KCNK12: variants seen among roughly 807,000 people sequenced by gnomAD.
The protein encoded by KCNK12 is potassium channel subfamily K member 12.
Under a neutral mutation model 25.3 loss-of-function variants are expected in KCNK12, and 6 were observed. The observed-to-expected ratio is 0.24, with a 90% CI of 0.13 to 0.47. The LOEUF is 0.47. Among genes scored for constraint, KCNK12 ranks in the 20% least tolerant of loss-of-function variants. KCNK12 has a pLI of 0.99. For synonymous variants in KCNK12, 331 were observed against 311.1 expected (o/e 1.06, Z -0.67); for missense variants, 444 against 661.7 (o/e 0.67, Z 3.61).
chr2:47,554,909 T>C (rs1365264479), intron 1 of KCNK12, among the ~76,000 whole-genome samples: 2 of 151,568 alleles, frequency 1.3e-5, no homozygotes, highest in African/African-American at 2.4e-5. Flanking sequence ...CTGACAAGAG[T>C]TGATGATGAA....
chr2:47,520,784 AT>A lies in KCNK12; in HGVS notation c.*122del. 2.9e-5 allele frequency: 21 copies of A among 726,200 alleles called. No individual in the cohort carries two copies. The highest frequency in any genetic ancestry group is 3.4e-5 in the Non-Finnish European group (18 of 526,562). 45.0% of individuals were successfully genotyped at this position (726,200 alleles called of 1,614,324 possible). A position where few individuals can be genotyped will look rare whatever the true frequency, so the allele number is the denominator to read the frequency against. On this transcript the variant is annotated 3_prime_UTR_variant, in exon 2 of 2. Coordinates refer to ENST00000327876, the MANE Select transcript of KCNK12 (RefSeq NM_022055.2). The surrounding 1 kb of genome is among the most constrained non-coding windows in gnomAD (Gnocchi z 5.0). ...GGCCAAATAGTATTTCTTTAAAAAA[AT>A]TTTTTTTGTTTCATTTTATTGGATA... is the stretch of plus-strand genomic sequence containing the variant.
rs1668623003 is a variant in KCNK12 at position 47,520,318 on chromosome 2, A to G, written c.*589T>C. 1 of 152,418 alleles carries G rather than the reference A, an allele frequency of 6.6e-6. No individual in the cohort carries two copies. The highest frequency in any genetic ancestry group is 6.5e-5 in the Admixed American group (1 of 15,290). 9.4% of individuals were successfully genotyped at this position (152,418 alleles called of 1,614,324 possible). ...TTTCCAAATCTGGGGGAAATGCCAC[A>G]GTCCGCAAGTTGGTGCTATGTTTCA... On this transcript the variant is annotated 3_prime_UTR_variant, in exon 2 of 2. Transcript: ENST00000327876. The surrounding 1 kb of genome is among the most constrained non-coding windows in gnomAD (Gnocchi z 5.0).
In KCNK12 at chr2:47,525,091, C is replaced by T. The variant is rs1481602615; in HGVS notation, c.392-3283G>A. ...TCAGCTAAAGCCTCAAAGCTGAGAACAGTATGTGTACATTTCTCCCCATTC... is the reference window on the plus strand; with the variant it reads ...TCAGCTAAAGCCTCAAAGCTGAGAATAGTATGTGTACATTTCTCCCCATTC... On this transcript the variant is annotated intron_variant, in intron 1 of 1. Coordinates refer to ENST00000327876, the MANE Select transcript of KCNK12 (RefSeq NM_022055.2). The surrounding 1 kb of genome is among the most constrained non-coding windows in gnomAD (Gnocchi z 4.1). 6.6e-6 allele frequency among the ~76,000 whole-genome samples: 1 copy of T among 152,214 alleles called. No individual in the cohort carries two copies. Among genetic ancestry groups the T allele is most frequent in the Admixed American group, 6.5e-5 (1 of 15,286 alleles).
At position 47,516,230 on chromosome 2, in the gene KCNK12, A is replaced by C. The variant is rs1668521350; in HGVS notation, c.*4677T>G. On this transcript the variant is annotated 3_prime_UTR_variant, in exon 2 of 2. Coordinates refer to ENST00000327876, the MANE Select transcript of KCNK12 (RefSeq NM_022055.2). ...CTGCCCATTAGAATCCCCCCAAAAA[A>C]TTCCAGGACTGGCCTGAGTTGCTCC... Among the ~76,000 whole-genome samples, 1 of 152,234 alleles carries C rather than the reference A, an allele frequency of 6.6e-6. No homozygotes were observed. Among genetic ancestry groups the C allele is most frequent in the South Asian group, 2.1e-4 (1 of 4,830 alleles).
intron 1 of KCNK12, chr2:47,563,930 CCATTCCTGGGAGTCCAGGGGAGAG>C (rs1669738254): frequency 4.3e-6 from 1 of 231,980 alleles, no homozygotes; most frequent in African/African-American, 2.2e-5. Context: ...TAGCGGCAGA[CCATTCCTGGGAGTCCAGGGGAGAG>C]CAGGGGGATC....
In KCNK12 at chr2:47,513,386, C is replaced by T. The variant is rs1668450048; in HGVS notation, c.*7521G>A. Among the ~76,000 whole-genome samples, 1 of 152,188 alleles carries T rather than the reference C, an allele frequency of 6.6e-6. No homozygotes were observed. The highest frequency in any genetic ancestry group is 2.4e-5 in the African/African-American group (1 of 41,448). On this transcript the variant is annotated 3_prime_UTR_variant, in exon 2 of 2. Transcript: ENST00000327876. Reference sequence around the variant, plus strand: ...TTATTCCTTCTTGAAACCCTTGTTTCCCTTGGCTTTGTGGCATCCTGTGCT... The same window carrying T: ...TTATTCCTTCTTGAAACCCTTGTTTTCCTTGGCTTTGTGGCATCCTGTGCT...
rs975385290 is a variant in KCNK12, at chr2:47,548,036, C to A, written c.391+21905G>T. 1.3e-5 allele frequency among the ~76,000 whole-genome samples: 2 copies of A among 152,112 alleles called. No individual in the cohort carries two copies. The highest frequency in any genetic ancestry group is 6.5e-5 in the Admixed American group (1 of 15,276). ...GATCTGGTTGTTTAAAAGTGTGTAG[C>A]ACCTTCCCCTTTGCTCTCTTCCTCC... On this transcript the variant is annotated intron_variant, in intron 1 of 1. Transcript: ENST00000327876. The surrounding 1 kb of genome is among the most constrained non-coding windows in gnomAD (Gnocchi z 4.4).
At position 47,516,212 on chromosome 2, in the gene KCNK12, T is replaced by A. The variant is rs1668520755; in HGVS notation, c.*4695A>T. Among the ~76,000 whole-genome samples the A allele has an allele frequency of 6.6e-6, 1 of 152,194 alleles. No homozygotes were observed. On this transcript the variant is annotated 3_prime_UTR_variant, in exon 2 of 2. Coordinates refer to ENST00000327876, the MANE Select transcript of KCNK12 (RefSeq NM_022055.2). The stretch of plus-strand genomic sequence containing the variant: ...GTGTATTCAAGTCCATGACTGCCCA[T>A]TAGAATCCCCCCAAAAAATTCCAGG...
chr2:47,553,677 C>T (rs1669488818), intron 1 of KCNK12, among the ~76,000 whole-genome samples: 1 of 152,234 alleles, frequency 6.6e-6, no homozygotes, highest in African/African-American at 2.4e-5. Context: ...GATCACATTA[C>T]ACCCCTGTTC....
At chr2:47,537,787 C>T (rs1452735297) in intron 1 of KCNK12, among the ~76,000 whole-genome samples, 1 of 152,188 alleles carries the variant, frequency 6.6e-6, no homozygotes, top group Non-Finnish European at 1.5e-5. Flanking sequence ...TCCCTGTCCT[C>T]ATACATAATG....
chr2:47,549,997 C>T (rs996253885), intron 1 of KCNK12, among the ~76,000 whole-genome samples: 1 of 149,722 alleles, frequency 6.7e-6, no homozygotes, highest in Non-Finnish European at 1.5e-5. Flanking sequence ...GAGTTAACAA[C>T]ATACTAAAGA....
chr2:47,515,062 C>T lies in KCNK12; in HGVS notation c.*5845G>A, dbSNP rs1202081402. Among the ~76,000 whole-genome samples, 1 of 152,126 alleles carries T rather than the reference C, an allele frequency of 6.6e-6. No individual in the cohort carries two copies. The highest frequency in any genetic ancestry group is 1.5e-5 in the Non-Finnish European group (1 of 68,026). ...CAGGCCTTAGAACTTGAAAGGAACCCAAGGATCATCTAGGCTACTTTATGC... is the reference window on the plus strand; with the variant it reads ...CAGGCCTTAGAACTTGAAAGGAACCTAAGGATCATCTAGGCTACTTTATGC... On this transcript the variant is annotated 3_prime_UTR_variant, in exon 2 of 2. Transcript: ENST00000327876.
In KCNK12 at chr2:47,518,493, A is replaced by G. The variant is rs1558544614; in HGVS notation, c.*2414T>C. The G allele has an allele frequency of 1.3e-5, 2 of 152,262 alleles. No individual in the cohort carries two copies. The allele number at this position is 152,262 out of a possible 1,614,324, so 9.4% of individuals were successfully genotyped here. On this transcript the variant is annotated 3_prime_UTR_variant, in exon 2 of 2. Transcript: ENST00000327876. This position sits in a 1 kb window ranked among gnomAD's most constrained non-coding sequence, Gnocchi z 4.1. ...AACAGCTGAGGCTGCAGCATAAGCAACTTAGGATAGAGTCTAGGAAGCACC... is the reference window on the plus strand; with the variant it reads ...AACAGCTGAGGCTGCAGCATAAGCAGCTTAGGATAGAGTCTAGGAAGCACC...
chr2:47,512,206 C>A lies in KCNK12; in HGVS notation c.*8701G>T. ...AAAAGAATTGAACAAACTGTCTAAG[C>A]TGGGTCAGGTACTCTGCAGATGTTT... On this transcript the variant is annotated 3_prime_UTR_variant, in exon 2 of 2. Coordinates refer to ENST00000327876, the MANE Select transcript of KCNK12 (RefSeq NM_022055.2). 7.0e-7 allele frequency: 1 copy of A among 1,425,894 alleles called. No individual in the cohort carries two copies. The highest frequency in any genetic ancestry group is 9.5e-7 in the Non-Finnish European group (1 of 1,048,608). 88.3% of individuals were successfully genotyped at this position (1,425,894 alleles called of 1,614,324 possible).
At chr2:47,544,529 A>G (rs925206137) in intron 1 of KCNK12, among the ~76,000 whole-genome samples, 3 of 152,340 alleles carry the variant, frequency 2.0e-5, no homozygotes, top group Non-Finnish European at 2.9e-5. Flanking sequence ...TTTCTTGTCT[A>G]ACTCATAGAT....
chr2:47,567,653 C>A (rs1669810135), intron 1 of KCNK12, among the ~76,000 whole-genome samples: 1 of 152,190 alleles, frequency 6.6e-6, no homozygotes, highest in African/African-American at 2.4e-5. Context: ...TCTTGGCATC[C>A]TCACAGAGGC....
rs1668584443 is a variant in KCNK12, at chr2:47,518,896, G to T, written c.*2011C>A. The T allele has an allele frequency of 6.6e-6, 1 of 152,230 alleles. No homozygotes were observed. The highest frequency in any genetic ancestry group is 2.1e-4 in the South Asian group (1 of 4,836). 9.4% of individuals were successfully genotyped at this position (152,230 alleles called of 1,614,324 possible). On this transcript the variant is annotated 3_prime_UTR_variant, in exon 2 of 2. Coordinates refer to ENST00000327876, the MANE Select transcript of KCNK12 (RefSeq NM_022055.2). This position sits in a 1 kb window ranked among gnomAD's most constrained non-coding sequence, Gnocchi z 4.1. ...CGTTCCCTTTTTTAAAGGGATAAAT[G>T]TGGATTTTATTTCCAGGTCCTGTCA... is the stretch of plus-strand genomic sequence containing the variant.
Position 47,521,644 on chromosome 2 carries a change from G to A in KCNK12, c.556C>T (p.Arg186Cys), listed in dbSNP as rs750008802. Reference sequence around the variant, plus strand: ...AAGGTGGCGGGCAGCAGGCCGCTGCGGCGCAGCTGGCGCTCCCGGCAGGCG... The same window carrying A: ...AAGGTGGCGGGCAGCAGGCCGCTGCAGCGCAGCTGGCGCTCCCGGCAGGCG... ...MRACRERQLR[R>C]SGLLPATFRR... The change falls in exon 2 of 2, where the codon CGC becomes TGC. Residue 186 changes from arginine to cysteine, a missense_variant. Coordinates refer to ENST00000327876, the MANE Select transcript of KCNK12 (RefSeq NM_022055.2). The A allele has an allele frequency of 6.3e-7, 1 of 1,588,244 alleles. No homozygotes were observed. Among genetic ancestry groups the A allele is most frequent in the Non-Finnish European group, 8.5e-7 (1 of 1,170,512 alleles).
At chr2:47,532,157 A>C (rs1668946724) in intron 1 of KCNK12, among the ~76,000 whole-genome samples, 1 of 152,034 alleles carries the variant, frequency 6.6e-6, no homozygotes, top group Non-Finnish European at 1.5e-5. Context: ...TAAACAAAAC[A>C]GACAACATTG....
Sources: allele counts gnomAD v4.1 joint callset (sites outside exome capture counted in the v4.1 genomes callset), GRCh38; gene constraint gnomAD v4.1.1; non-coding constraint Gnocchi (gnomAD v3.1); transcripts MANE v1.5; gene names NCBI Gene and HGNC (gene_info 2026-07-23, HGNC 2026-07-21).